Variants in CNTN4 observed in about 807,000 individuals in gnomAD.
The protein encoded by CNTN4 is contactin 4.
In CNTN4, 77 loss-of-function variants were observed where a neutral mutation model predicts 122.5. The observed-to-expected ratio is 0.63, with a 90% CI of 0.52 to 0.76. The LOEUF is 0.76. Among genes scored for constraint, CNTN4 ranks in the 30% least tolerant of loss-of-function variants. The pLI is 0.00. For missense variants in CNTN4, 1,256 were observed against 1,259.1 expected (o/e 1.00, Z 0.04); for synonymous variants, 512 against 447.0 (o/e 1.15, Z -1.83).
intron 2 of CNTN4, among the ~76,000 whole-genome samples, chr3:2,332,722 G>A (rs185651453): frequency 6.9e-6 from 1 of 145,558 alleles, no homozygotes; most frequent in Non-Finnish European, 1.5e-5. Context: ...GGACTGTTGT[G>A]GGGTGGGGGG....
intron 4 of CNTN4, among the ~76,000 whole-genome samples, chr3:2,667,338 C>G (rs1457645109): frequency 3.9e-5 from 6 of 152,098 alleles, no homozygotes; most frequent in Non-Finnish European, 8.8e-5. Flanking sequence ...TCTCTGATGG[C>G]CAGTGATAAT....
intron 5 of CNTN4, among the ~76,000 whole-genome samples, chr3:2,743,934 C>T (rs1186619573): frequency 1.3e-5 from 2 of 152,172 alleles, no homozygotes; most frequent in Non-Finnish European, 1.5e-5. Context: ...CCTCAGCCTC[C>T]TGAGTAGCTG....
At chr3:3,018,177 T>C (rs1697945155) in intron 14 of CNTN4, among the ~76,000 whole-genome samples, 1 of 152,238 alleles carries the variant, frequency 6.6e-6, no homozygotes, top group Non-Finnish European at 1.5e-5. Flanking sequence ...AATATAATTT[T>C]AAGTAATGTC....
intron 4 of CNTN4, among the ~76,000 whole-genome samples, chr3:2,597,257 T>G (rs2080813761): frequency 6.6e-6 from 1 of 152,170 alleles, no homozygotes. Flanking sequence ...AAAATCACAT[T>G]GAGGCCAGTA....
At chr3:2,906,365 T>C (rs925838074) in intron 12 of CNTN4, among the ~76,000 whole-genome samples, 1 of 152,138 alleles carries the variant, frequency 6.6e-6, no homozygotes, top group Non-Finnish European at 1.5e-5. Flanking sequence ...GATAATTATA[T>C]AAGGTAATTT....
At chr3:2,202,768 C>T (rs963224237) in intron 2 of CNTN4, among the ~76,000 whole-genome samples, 7 of 152,024 alleles carry the variant, frequency 4.6e-5, no homozygotes, top group East Asian at 3.9e-4. Context: ...TGCTGTTTCC[C>T]TATTATTAGG....
At chr3:2,432,895 A>G (rs1193973384) in intron 3 of CNTN4, among the ~76,000 whole-genome samples, 1 of 150,564 alleles carries the variant, frequency 6.6e-6, no homozygotes, top group Admixed American at 6.7e-5. Context: ...TGCAGCATCC[A>G]CAGCTCAGGC....
intron 4 of CNTN4, among the ~76,000 whole-genome samples, chr3:2,657,675 C>T (rs545730448): frequency 3.9e-5 from 6 of 151,940 alleles, no homozygotes; most frequent in Admixed American, 2.0e-4. Context: ...AGTCATGCAT[C>T]GGATGTGTAT....
chr3:2,805,167 A>T (rs982411031), intron 6 of CNTN4, among the ~76,000 whole-genome samples: 67 of 151,936 alleles, frequency 4.4e-4, no homozygotes, highest in African/African-American at 1.5e-3. Flanking sequence ...ACAAGAACAA[A>T]ACTCTGTCTT....
At chr3:2,457,071 G>A (rs73804594) in intron 3 of CNTN4, among the ~76,000 whole-genome samples, 6 of 151,994 alleles carry the variant, frequency 3.9e-5, no homozygotes, top group Non-Finnish European at 7.4e-5. Flanking sequence ...AATGAGCCAG[G>A]TTCCTGAGTC....
chr3:2,553,955 G>T (rs1009917499), intron 3 of CNTN4, among the ~76,000 whole-genome samples: 1 of 152,092 alleles, frequency 6.6e-6, no homozygotes, highest in African/African-American at 2.4e-5. Context: ...TTTTTACCAG[G>T]AGTTAAAGCT....
intron 3 of CNTN4, among the ~76,000 whole-genome samples, chr3:2,464,674 G>T (rs1430038958): frequency 6.6e-6 from 1 of 152,170 alleles, no homozygotes; most frequent in Non-Finnish European, 1.5e-5. Context: ...CTGGGTTTCA[G>T]GTTGGAACAA....
chr3:2,300,099 G>A (rs2042450145), intron 2 of CNTN4, among the ~76,000 whole-genome samples: 1 of 152,128 alleles, frequency 6.6e-6, no homozygotes, highest in Non-Finnish European at 1.5e-5. Context: ...TTACTGAATA[G>A]TGGTATGCTT....
chr3:2,590,863 T>C (rs983227304), intron 4 of CNTN4, among the ~76,000 whole-genome samples: 21 of 151,998 alleles, frequency 1.4e-4, no homozygotes, highest in African/African-American at 4.6e-4. Flanking sequence ...ATTTGTTTTC[T>C]CTTTTATTAA....
At chr3:2,318,490 T>C (rs1450862866) in intron 2 of CNTN4, among the ~76,000 whole-genome samples, 3 of 152,178 alleles carry the variant, frequency 2.0e-5, no homozygotes, top group Non-Finnish European at 2.9e-5. Flanking sequence ...CATTGAAGCA[T>C]TTGTATAATT....
At chr3:3,049,325 C>T (rs974138203) in intron 23 of CNTN4, among the ~76,000 whole-genome samples, 6 of 152,166 alleles carry the variant, frequency 3.9e-5, no homozygotes, top group Non-Finnish European at 7.3e-5. Flanking sequence ...TCAGGTGATC[C>T]GCCTGCCTCA....
chr3:2,163,292 C>G, intron 2 of CNTN4, among the ~76,000 whole-genome samples: 1 of 152,144 alleles, frequency 6.6e-6, no homozygotes, highest in East Asian at 1.9e-4. Flanking sequence ...GGAAAACTGG[C>G]AAGCCACATG....
At chr3:2,403,113 T>C (rs1405011554) in intron 3 of CNTN4, among the ~76,000 whole-genome samples, 1 of 152,124 alleles carries the variant, frequency 6.6e-6, no homozygotes, top group African/African-American at 2.4e-5. Flanking sequence ...CTTCTTTGTC[T>C]TGTATCACGC....
Position 2,644,565 on chromosome 3 carries a change from C to T in CNTN4, c.55+73007C>T, listed in dbSNP as rs1033458635. Among the ~76,000 whole-genome samples the T allele has an allele frequency of 4.0e-5, 6 of 151,334 alleles. No individual in the cohort carries two copies. The East Asian group carries it at 7.8e-4, about 20-fold the overall frequency. ...AATTCAGATGTATACTTTATCCTTC[C>T]TTTTTTCTGCAAAATACCTCTATCT... On this transcript the variant is annotated intron_variant, in intron 4 of 24. Coordinates refer to ENST00000418658, the MANE Select transcript of CNTN4 (RefSeq NM_175607.3).
Sources: gnomAD v4.1 joint callset for allele counts (sites outside exome capture counted in the v4.1 genomes callset) on GRCh38, gnomAD v4.1.1 for gene constraint, MANE v1.5 for transcripts, NCBI Gene and HGNC (gene_info 2026-07-23, HGNC 2026-07-21) for gene names.